Variants in FMN1 observed in about 807,000 individuals in gnomAD.
FMN1 encodes the protein formin-1.
In FMN1, 110 loss-of-function variants were observed where a neutral mutation model predicts 132.4. That is an observed-to-expected ratio of 0.83 (90% CI 0.71 to 0.97). FMN1 has a LOEUF of 0.97. Among genes scored for constraint, FMN1 ranks in the 50% least tolerant of loss-of-function variants. The probability of loss-of-function intolerance (pLI) is 0.00; values close to 1 mark genes in which losing one functional copy is unlikely to be tolerated. For synonymous variants in FMN1, 722 were observed against 651.7 expected (o/e 1.11, Z -1.64); for missense variants, 1,792 against 1,705.3 (o/e 1.05, Z -0.90).
intron 4 of FMN1, among the ~76,000 whole-genome samples, chr15:33,144,505 C>T (rs893529619): frequency 3.3e-5 from 5 of 151,726 alleles, no homozygotes; most frequent in Non-Finnish European, 5.9e-5. Context: ...GGCGTGGTGG[C>T]AGGTGCCTGT....
At chr15:33,063,801 G>A (rs138014120) in intron 6 of FMN1, 2 of 152,304 alleles carry the variant, frequency 1.3e-5, no homozygotes, top group African/African-American at 4.8e-5. Context: ...TTACTGCTGT[G>A]TCTGAATTGC....
chr15:33,193,416 T>C (rs141521621), intron 2 of FMN1, among the ~76,000 whole-genome samples: 46 of 152,254 alleles, frequency 3.0e-4, no homozygotes, highest in African/African-American at 1.1e-3. Flanking sequence ...CCTAGGAATT[T>C]AGATGCGCCC....
chr15:32,808,007 C>T (rs546985483), intron 17 of FMN1, among the ~76,000 whole-genome samples: 29 of 152,242 alleles, frequency 1.9e-4, no homozygotes, highest in African/African-American at 3.1e-4. Flanking sequence ...AAATACATGA[C>T]CTGGAAGAAC....
At chr15:33,172,427 G>A (rs1428222799) in intron 3 of FMN1, among the ~76,000 whole-genome samples, 2 of 152,124 alleles carry the variant, frequency 1.3e-5, no homozygotes, top group African/African-American at 4.8e-5. Flanking sequence ...ATAGCAAGAC[G>A]AAAAAAGGTA....
At chr15:33,008,122 G>C in intron 6 of FMN1, 47 bp from the exon 7 acceptor site, 1 of 1,465,354 alleles carries the variant, frequency 6.8e-7, no homozygotes, top group Non-Finnish European at 9.4e-7. Flanking sequence ...ACAAAATTAA[G>C]CACAAAATTT....
intron 15 of FMN1, among the ~76,000 whole-genome samples, chr15:32,891,257 C>A (rs867064840): frequency 6.6e-6 from 1 of 152,020 alleles, no homozygotes. Flanking sequence ...TTTTAGAGTT[C>A]TTTTTCTTGA....
intron 4 of FMN1, chr15:33,151,317 A>G (rs1442172777): frequency 2.6e-6 from 4 of 1,536,196 alleles, no homozygotes; most frequent in Non-Finnish European, 3.5e-6. Flanking sequence ...TTAGAAGCAC[A>G]GGAGATGCTT....
intron 17 of FMN1, among the ~76,000 whole-genome samples, chr15:32,852,409 C>T (rs1347907163): frequency 1.3e-5 from 2 of 152,034 alleles, no homozygotes; most frequent in African/African-American, 2.4e-5. Context: ...TTTGAGACAG[C>T]GTCTTGCTCT....
chr15:32,865,211 T>C (rs548134558), intron 16 of FMN1, among the ~76,000 whole-genome samples: 2 of 152,316 alleles, frequency 1.3e-5, no homozygotes, highest in East Asian at 3.9e-4. Flanking sequence ...TGTACAACTT[T>C]GTGAATACAC....
intron 16 of FMN1, among the ~76,000 whole-genome samples, chr15:32,885,399 G>C (rs1182085490): frequency 1.2e-4 from 19 of 152,204 alleles, no homozygotes; most frequent in Admixed American, 1.2e-3. Context: ...CAGATGTGGT[G>C]ACTTCTGGGT....
intron 5 of FMN1, among the ~76,000 whole-genome samples, chr15:33,080,208 A>T (rs2141319341): frequency 6.6e-6 from 1 of 152,318 alleles, no homozygotes; most frequent in African/African-American, 2.4e-5. Context: ...ACAATACAAA[A>T]ATGCGGCCCT....
At chr15:33,059,870 C>G (rs913269845) in intron 6 of FMN1, among the ~76,000 whole-genome samples, 1 of 152,214 alleles carries the variant, frequency 6.6e-6, no homozygotes, top group Non-Finnish European at 1.5e-5. Flanking sequence ...TCTCCTTGAA[C>G]ACAATATGTG....
chr15:32,961,126 T>C (rs1173901132), intron 9 of FMN1, among the ~76,000 whole-genome samples: 1 of 151,422 alleles, frequency 6.6e-6, no homozygotes. Context: ...TAGATTCAGA[T>C]ATTGTTCATC....
intron 9 of FMN1, among the ~76,000 whole-genome samples, chr15:32,954,734 G>A (rs1363543001): frequency 6.6e-6 from 1 of 152,096 alleles, no homozygotes; most frequent in Non-Finnish European, 1.5e-5. Flanking sequence ...GGCTGGGCAC[G>A]GAGGCTCACG....
intron 6 of FMN1, among the ~76,000 whole-genome samples, chr15:33,036,794 G>C (rs2036213150): frequency 6.6e-6 from 1 of 152,196 alleles, no homozygotes; most frequent in African/African-American, 2.4e-5. Flanking sequence ...ACAACGTTCA[G>C]TATTGCTTGT....
rs574795183 is a variant in FMN1, at chr15:33,161,199, T to C, written c.-131-6154A>G. On this transcript the variant is annotated intron_variant, in intron 3 of 20. Transcript: ENST00000616417. ...CATTTCTAAACTGGAAAATTTTTAT[T>C]AGTTCAGTCAAATTCACACTCTACC... Among the ~76,000 whole-genome samples, 288 of 152,328 alleles carry C rather than the reference T, an allele frequency of 1.9e-3. 1 individual carries two copies. The highest frequency in any genetic ancestry group is 6.8e-3 in the African/African-American group (283 of 41,566).
chr15:32,883,043 A>C (rs1269827026), intron 16 of FMN1, among the ~76,000 whole-genome samples: 1 of 152,190 alleles, frequency 6.6e-6, no homozygotes, highest in Non-Finnish European at 1.5e-5. Context: ...GGACAGAGGA[A>C]CCGTTTCCCC....
chr15:32,861,811 A>G (rs2059275551), intron 16 of FMN1, among the ~76,000 whole-genome samples: 1 of 152,204 alleles, frequency 6.6e-6, no homozygotes, highest in Non-Finnish European at 1.5e-5. Context: ...GAATTCACTG[A>G]AGAATGCAGG....
At chr15:33,105,347 A>AGC (rs2039444628) in intron 4 of FMN1, among the ~76,000 whole-genome samples, 1 of 152,138 alleles carries the variant, frequency 6.6e-6, no homozygotes, top group East Asian at 1.9e-4. Flanking sequence ...GTTGCAATTA[A>AGC]TAGCTAGCAT....
Sources: gnomAD v4.1 joint callset for allele counts (sites outside exome capture counted in the v4.1 genomes callset) on GRCh38, gnomAD v4.1.1 for gene constraint, MANE v1.5 for transcripts, NCBI Gene and HGNC (gene_info 2026-07-23, HGNC 2026-07-21) for gene names.